Variants in JAZF1 observed in about 807,000 individuals in gnomAD.
JAZF1 encodes juxtaposed with another zinc finger protein 1.
In JAZF1, 8 loss-of-function variants were observed where a neutral mutation model predicts 26.4. That is an observed-to-expected ratio of 0.30 (90% CI 0.18 to 0.55). JAZF1 has a LOEUF of 0.55. JAZF1 is among the 20% of genes least tolerant of loss of function. The probability of loss-of-function intolerance (pLI) is 0.94; values close to 1 mark genes in which losing one functional copy is unlikely to be tolerated. For synonymous variants in JAZF1, 126 were observed against 122.3 expected (o/e 1.03, Z -0.20); for missense variants, 199 against 322.0 (o/e 0.62, Z 2.92).
intron 1 of JAZF1, among the ~76,000 whole-genome samples, chr7:28,139,470 C>T (rs1323823539): frequency 2.0e-5 from 3 of 152,208 alleles, no homozygotes; most frequent in Non-Finnish European, 2.9e-5. Context: ...AAAAAGGAAA[C>T]GTGTGGACAC....
rs151011668 is a variant in JAZF1 at position 28,074,701 on chromosome 7, T to C, written c.116-82720A>G. ...TTATAATTATTCTGATCTTTAAATT[T>C]TGCATAATATTTCTCATTAATGAAG... On this transcript the variant is annotated intron_variant, in intron 1 of 4. Transcript: ENST00000283928. Among the ~76,000 whole-genome samples the C allele has an allele frequency of 5.1e-4, 77 of 152,300 alleles. No individual in the cohort carries two copies. The East Asian group carries it at 0.015, about 29-fold the overall frequency.
intron 2 of JAZF1, among the ~76,000 whole-genome samples, chr7:27,933,657 T>A (rs1254640729): frequency 6.6e-6 from 1 of 152,206 alleles, no homozygotes; most frequent in Non-Finnish European, 1.5e-5. Context: ...CTTGTGGATA[T>A]ACTGTATTTT....
At chr7:27,875,602 C>T (rs1376050499) in intron 3 of JAZF1, among the ~76,000 whole-genome samples, 6 of 152,188 alleles carry the variant, frequency 3.9e-5, no homozygotes, top group Non-Finnish European at 8.8e-5. Flanking sequence ...GACTGGGCAT[C>T]ATTGCTTCCA....
intron 3 of JAZF1, among the ~76,000 whole-genome samples, chr7:27,876,235 CT>C (rs2128338773): frequency 6.6e-6 from 1 of 152,344 alleles, no homozygotes; most frequent in East Asian, 1.9e-4. Context: ...CAGAGGGTCT[CT>C]CTTCAACCTG....
At chr7:28,119,454 T>C (rs1386580679) in intron 1 of JAZF1, among the ~76,000 whole-genome samples, 1 of 152,170 alleles carries the variant, frequency 6.6e-6, no homozygotes, top group Non-Finnish European at 1.5e-5. Context: ...AACCTTCCCT[T>C]GACACCTACT....
intron 1 of JAZF1, among the ~76,000 whole-genome samples, chr7:28,000,729 A>G (rs1583501866): frequency 6.8e-6 from 1 of 147,702 alleles, no homozygotes; most frequent in South Asian, 2.1e-4. Flanking sequence ...ATCGATTCTC[A>G]TGCCTCAGCC....
intron 2 of JAZF1, among the ~76,000 whole-genome samples, chr7:27,978,926 G>T (rs1165966447): frequency 6.6e-6 from 1 of 151,704 alleles, no homozygotes; most frequent in African/African-American, 2.4e-5. Flanking sequence ...GAGAGGGGGA[G>T]AGAGAGAGGG....
Position 27,837,843 on chromosome 7 carries a change from C to CA in JAZF1, c.555+2854dup, listed in dbSNP as rs1367460737. ...CTCCCTGCTCTCCCTCTGTGTGCCT[C>CA]AAAACAGGACACAAATTTACAAAGT... On this transcript the variant is annotated intron_variant, in intron 4 of 4. Transcript: ENST00000283928. Among the ~76,000 whole-genome samples, 4 of 152,176 alleles carry CA rather than the reference C, an allele frequency of 2.6e-5. No individual in the cohort carries two copies. The East Asian group carries it at 7.7e-4, about 29-fold the overall frequency.
chr7:28,127,826 C>T (rs955749826), intron 1 of JAZF1, among the ~76,000 whole-genome samples: 1 of 152,126 alleles, frequency 6.6e-6, no homozygotes, highest in Non-Finnish European at 1.5e-5. Flanking sequence ...GGGGAAAAGC[C>T]TCTTATAAAA....
intron 3 of JAZF1, among the ~76,000 whole-genome samples, chr7:27,847,773 C>T (rs1298764810): frequency 6.6e-6 from 1 of 152,046 alleles, no homozygotes; most frequent in East Asian, 1.9e-4. Flanking sequence ...GTTCGAGTGA[C>T]TCTCCTGCCT....
intron 1 of JAZF1, among the ~76,000 whole-genome samples, chr7:28,063,645 CTAAAT>C (rs1783834617): frequency 1.3e-5 from 2 of 151,954 alleles, no homozygotes; most frequent in Non-Finnish European, 2.9e-5. Context: ...ATTGTAAAAG[CTAAAT>C]TAAATCAAAA....
chr7:27,913,455 T>C, intron 2 of JAZF1: 1 of 411,846 alleles, frequency 2.4e-6, no homozygotes, highest in South Asian at 1.7e-5. Flanking sequence ...CTCCGCTGTC[T>C]GTGGGCGGAA....
chr7:28,131,709 C>T (rs574258489), intron 1 of JAZF1, among the ~76,000 whole-genome samples: 3 of 152,294 alleles, frequency 2.0e-5, no homozygotes, highest in African/African-American at 7.2e-5. Flanking sequence ...CAGTATCCTA[C>T]AATTTGCATA....
intron 1 of JAZF1, among the ~76,000 whole-genome samples, chr7:28,136,839 G>A (rs568327833): frequency 7.2e-5 from 11 of 152,352 alleles, no homozygotes; most frequent in Admixed American, 5.9e-4. Flanking sequence ...CTTCCAGGAA[G>A]GCTTCCTGAA....
chr7:28,103,278 A>G (rs1247751967), intron 1 of JAZF1, among the ~76,000 whole-genome samples: 1 of 152,030 alleles, frequency 6.6e-6, no homozygotes, highest in Non-Finnish European at 1.5e-5. Flanking sequence ...GTGAATATCA[A>G]AAATTGCCCA....
chr7:27,895,341 C>G lies in JAZF1; in HGVS notation c.264G>C (p.Leu88=). Residue 88 remains leucine, a synonymous_variant, in exon 3 of 5, where the codon CTG becomes CTC. Coordinates refer to ENST00000283928, the MANE Select transcript of JAZF1 (RefSeq NM_175061.4). ...KKIQPKLSLT[L]SSSVSRGNVS... is the part of the protein sequence containing the mutation. ...CATTCCCTCGAGACACTGAGCTGGA[C>G]AGAGTCAGCGAGAGCTTCGGCTGAA... 3.1e-6 allele frequency: 5 copies of G among 1,610,480 alleles called. No homozygotes were observed. The highest frequency in any genetic ancestry group is 4.2e-6 in the Non-Finnish European group (5 of 1,178,512).
At chr7:28,010,310 C>A (rs1316643737) in intron 1 of JAZF1, among the ~76,000 whole-genome samples, 2 of 152,186 alleles carry the variant, frequency 1.3e-5, no homozygotes, top group Non-Finnish European at 2.9e-5. Flanking sequence ...CCTAGGGCCA[C>A]AGCTCTGGGA....
chr7:27,985,853 C>T (rs1160371395), intron 2 of JAZF1, among the ~76,000 whole-genome samples: 1 of 152,136 alleles, frequency 6.6e-6, no homozygotes, highest in African/African-American at 2.4e-5. Context: ...AGACAAAAAC[C>T]ACATGATTAT....
intron 3 of JAZF1, among the ~76,000 whole-genome samples, chr7:27,859,102 G>A (rs766406546): frequency 4.5e-4 from 68 of 152,220 alleles, no homozygotes; most frequent in Middle Eastern, 6.8e-3. Flanking sequence ...ACATTTATGC[G>A]GCCAGCAAAC....
Sources: gnomAD v4.1 joint callset for allele counts (sites outside exome capture counted in the v4.1 genomes callset) on GRCh38, gnomAD v4.1.1 for gene constraint, MANE v1.5 for transcripts, NCBI Gene and HGNC (gene_info 2026-07-23, HGNC 2026-07-21) for gene names.